Variants in CNTN5 observed in about 807,000 individuals in gnomAD.
The protein encoded by CNTN5 is contactin-5.
In CNTN5, 77 loss-of-function variants were observed where a neutral mutation model predicts 129.1. The ratio of observed to expected loss-of-function variants is 0.60; its 90% confidence interval spans 0.50 to 0.72. The LOEUF is 0.72. Ranked by LOEUF, CNTN5 falls within the 30% of genes least tolerant of loss-of-function variation. CNTN5 has a pLI of 0.00. For synonymous variants in CNTN5, 509 were observed against 465.6 expected (o/e 1.09, Z -1.20); for missense variants, 1,478 against 1,328.8 (o/e 1.11, Z -1.75).
chr11:99,707,953 G>A (rs1421822275), intron 3 of CNTN5, among the ~76,000 whole-genome samples: 1 of 151,540 alleles, frequency 6.6e-6, no homozygotes, highest in Non-Finnish European at 1.5e-5. Context: ...ACTTCCATGA[G>A]TGCTTTTAAG....
chr11:99,107,274 G>A (rs1397709658), intron 1 of CNTN5, among the ~76,000 whole-genome samples: 5 of 152,154 alleles, frequency 3.3e-5, no homozygotes, highest in Admixed American at 1.3e-4. Flanking sequence ...ACATACATAC[G>A]TAAGTGGCCG....
intron 3 of CNTN5, among the ~76,000 whole-genome samples, chr11:99,652,653 AC>A: frequency 6.6e-6 from 1 of 152,208 alleles, no homozygotes; most frequent in Non-Finnish European, 1.5e-5. Flanking sequence ...ATCAGAACTT[AC>A]ACATAATTTA....
At chr11:100,164,646 A>G (rs916970646) in intron 13 of CNTN5, among the ~76,000 whole-genome samples, 8 of 151,844 alleles carry the variant, frequency 5.3e-5, no homozygotes, top group Non-Finnish European at 7.4e-5. Context: ...TTGTATTTCA[A>G]TAACAGAAAA....
At chr11:100,197,114 TAGG>T (rs1382719550) in intron 15 of CNTN5, among the ~76,000 whole-genome samples, 1 of 151,890 alleles carries the variant, frequency 6.6e-6, no homozygotes, top group Non-Finnish European at 1.5e-5. Context: ...AGCAGGTGCA[TAGG>T]AGAAGCTGCA....
chr11:99,483,535 G>C (rs753921845), intron 2 of CNTN5, among the ~76,000 whole-genome samples: 7 of 152,122 alleles, frequency 4.6e-5, no homozygotes, highest in African/African-American at 7.2e-5. Context: ...TTATTGGGAA[G>C]CTGCTGCTCA....
chr11:99,486,365 G>A (rs780210196), intron 2 of CNTN5, among the ~76,000 whole-genome samples: 2 of 152,048 alleles, frequency 1.3e-5, no homozygotes, highest in African/African-American at 4.8e-5. Context: ...AGCTCATACT[G>A]TGTATTGTTT....
rs532107709 is a variant in CNTN5 at position 99,384,949 on chromosome 11, TA to T, written c.-71+59471del. Among the ~76,000 whole-genome samples the T allele has an allele frequency of 1.8e-4, 27 of 152,246 alleles. No homozygotes were observed. The East Asian group carries it at 4.8e-3, about 27-fold the overall frequency. On this transcript the variant is annotated intron_variant, in intron 2 of 24. Transcript: ENST00000524871. ...AATTATTATTAATATGTTTGCCTTT[TA>T]AAAAATACTATTAAATGGCAATGTA...
At chr11:99,399,003 C>T (rs1324460381) in intron 2 of CNTN5, among the ~76,000 whole-genome samples, 1 of 151,886 alleles carries the variant, frequency 6.6e-6, no homozygotes, top group East Asian at 1.9e-4. Flanking sequence ...CAAATTCTTC[C>T]CCAACTTCTC....
chr11:100,052,925 C>CA (rs948896806), intron 9 of CNTN5, among the ~76,000 whole-genome samples: 17 of 151,576 alleles, frequency 1.1e-4, no homozygotes, highest in African/African-American at 3.6e-4. Context: ...TAAAGTCCAT[C>CA]AAAAAAATGC....
At chr11:99,509,986 C>G (rs1196471173) in intron 2 of CNTN5, among the ~76,000 whole-genome samples, 4 of 151,548 alleles carry the variant, frequency 2.6e-5, no homozygotes, top group African/African-American at 9.7e-5. Flanking sequence ...CGCTTAATCT[C>G]TCTTTGCCTC....
chr11:100,158,884 C>G (rs1947345190), intron 13 of CNTN5, among the ~76,000 whole-genome samples: 1 of 151,908 alleles, frequency 6.6e-6, no homozygotes, highest in East Asian at 1.9e-4. Flanking sequence ...CATAGCAGCA[C>G]TGTTAGCACT....
At chr11:99,887,082 C>T (rs1971156) in intron 6 of CNTN5, among the ~76,000 whole-genome samples, 51,296 of 151,948 alleles carry the variant, frequency 0.34, 10,605 homozygotes, top group East Asian at 0.9. Context: ...ATGTTACATA[C>T]ATGATTTTGA....
At chr11:100,321,219 AT>A (rs984455250) in intron 21 of CNTN5, among the ~76,000 whole-genome samples, 9 of 149,302 alleles carry the variant, frequency 6.0e-5, no homozygotes, top group Middle Eastern at 3.4e-3. Flanking sequence ...GTCTTCTTTG[AT>A]TTTTTTAATC....
At chr11:99,203,831 C>T (rs865986061) in intron 1 of CNTN5, among the ~76,000 whole-genome samples, 3 of 152,272 alleles carry the variant, frequency 2.0e-5, no homozygotes, top group Middle Eastern at 3.4e-3. Flanking sequence ...CTCCTGACCT[C>T]AGGTGATCCA....
At chr11:100,220,487 A>G (rs1949240864) in intron 15 of CNTN5, among the ~76,000 whole-genome samples, 1 of 152,174 alleles carries the variant, frequency 6.6e-6, no homozygotes, top group Admixed American at 6.5e-5. Context: ...ATAAGACAGA[A>G]AGGATGTGAG....
At chr11:99,470,251 A>G (rs1397810650) in intron 2 of CNTN5, among the ~76,000 whole-genome samples, 1 of 152,138 alleles carries the variant, frequency 6.6e-6, no homozygotes, top group East Asian at 1.9e-4. Flanking sequence ...CTCCAATCAT[A>G]CCTGCCCAAG....
intron 13 of CNTN5, among the ~76,000 whole-genome samples, chr11:100,154,247 A>G (rs1565293676): frequency 6.6e-6 from 1 of 152,074 alleles, no homozygotes; most frequent in Non-Finnish European, 1.5e-5. Flanking sequence ...GATGGTTTTC[A>G]GCGTCATCCA....
chr11:99,204,352 C>A (rs1158735927), intron 1 of CNTN5, among the ~76,000 whole-genome samples: 2 of 152,134 alleles, frequency 1.3e-5, no homozygotes, highest in Non-Finnish European at 1.5e-5. Flanking sequence ...TGCTCTCCAC[C>A]TGATACTGTT....
intron 7 of CNTN5, among the ~76,000 whole-genome samples, chr11:99,934,460 T>C (rs1400761340): frequency 6.6e-6 from 1 of 152,192 alleles, no homozygotes; most frequent in African/African-American, 2.4e-5. Flanking sequence ...ATAAAAGCAA[T>C]CAATATATAT....
Sources: allele counts gnomAD v4.1 joint callset (sites outside exome capture counted in the v4.1 genomes callset), GRCh38; gene constraint gnomAD v4.1.1; transcripts MANE v1.5; gene names NCBI Gene and HGNC (gene_info 2026-07-23, HGNC 2026-07-21).